AGO1: variants seen among roughly 807,000 people sequenced by gnomAD.
AGO1 encodes protein argonaute-1.
Under a neutral mutation model 109.2 loss-of-function variants are expected in AGO1, and 11 were observed. That is an observed-to-expected ratio of 0.10 (90% CI 0.06 to 0.17). AGO1 has a LOEUF of 0.17. AGO1 is among the 10% of genes least tolerant of loss of function. The pLI, the probability that AGO1 is intolerant of heterozygous loss-of-function variation, is 1.00. For missense variants in AGO1, 574 were observed against 1,140.3 expected, an observed-to-expected ratio of 0.50 and a Z score of 7.15; for synonymous variants, 422 against 418.6, an observed-to-expected ratio of 1.01 and a Z score of -0.10.
intron 6 of AGO1, 53 bp from the exon 7 acceptor site, chr1:35,894,262 C>T: frequency 6.2e-7 from 1 of 1,608,790 alleles, no homozygotes; most frequent in South Asian, 1.1e-5. Flanking sequence ...GAGACCAAGC[C>T]TGGGCACATG....
rs1645988724 is a variant in AGO1 at position 35,929,184 on chromosome 1, G to C, written c.*9577G>C. The C allele has an allele frequency of 6.6e-6, 1 of 152,262 alleles. No individual in the cohort carries two copies. The highest frequency in any genetic ancestry group is 2.4e-5 in the African/African-American group (1 of 41,472). The allele number at this position is 152,262 out of a possible 1,614,324, so 9.4% of individuals were successfully genotyped here. ...ATAGGGTGTACATGTAGTCAGGAGA[G>C]AGCCTCATACAGCTTTGCCTTTGGC... On this transcript the variant is annotated 3_prime_UTR_variant, in exon 19 of 19. Coordinates refer to ENST00000373204, the MANE Select transcript of AGO1 (RefSeq NM_012199.5).
intron 8 of AGO1, among the ~76,000 whole-genome samples, chr1:35,900,328 A>G (rs1351629510): frequency 6.6e-6 from 1 of 152,232 alleles, no homozygotes; most frequent in East Asian, 1.9e-4. Flanking sequence ...GTAAATAATA[A>G]TCTGTGCTAC....
chr1:35,914,116 G>A, intron 13 of AGO1, 68 bp from the exon 14 acceptor site: 1 of 1,592,436 alleles, frequency 6.3e-7, no homozygotes, highest in South Asian at 1.1e-5. Context: ...AGAGCAGAGT[G>A]GGTACTGGAT....
chr1:35,913,018 CT>C (rs879356923), intron 12 of AGO1, among the ~76,000 whole-genome samples: 115 of 145,556 alleles, frequency 7.9e-4, no homozygotes, highest in East Asian at 9.9e-4. Context: ...ACTCACCCAT[CT>C]TTTTTTTTTT....
chr1:35,883,168 C>T (rs1248757955), upstream of AGO1: 17 of 1,144,370 alleles, frequency 1.5e-5, no homozygotes, highest in Non-Finnish European at 1.8e-5. The surrounding 1 kb of genome is among the most constrained non-coding windows in gnomAD (Gnocchi z 5.4). Flanking sequence ...CCGCTTGACT[C>T]GTTCCGGTCC....
At chr1:35,881,261 C>T (rs1361585895), upstream of AGO1, among the ~76,000 whole-genome samples, 1 of 152,132 alleles carries the variant, frequency 6.6e-6, no homozygotes, top group Non-Finnish European at 1.5e-5. Context: ...GGGTCCCACC[C>T]AACACCTACT....
At position 35,925,161 on chromosome 1, in the gene AGO1, G is replaced by A. The variant is rs907765237; in HGVS notation, c.*5554G>A. The A allele has an allele frequency of 6.6e-6, 1 of 151,638 alleles. No homozygotes were observed. Among genetic ancestry groups the A allele is most frequent in the Non-Finnish European group, 1.5e-5 (1 of 67,912 alleles). 9.4% of individuals were successfully genotyped at this position (151,638 alleles called of 1,614,324 possible). A position where few individuals can be genotyped will look rare whatever the true frequency, so the allele number is the denominator to read the frequency against. Reference sequence around the variant, plus strand: ...GTAGAAGAAGGTTCATGAAGGGAGTGATTAACAACATGAACTGCTGCAGAG... The same window carrying A: ...GTAGAAGAAGGTTCATGAAGGGAGTAATTAACAACATGAACTGCTGCAGAG... On this transcript the variant is annotated 3_prime_UTR_variant, in exon 19 of 19. Transcript: ENST00000373204.
At chr1:35,895,796 A>G (rs1038280422) in intron 8 of AGO1, among the ~76,000 whole-genome samples, 12 of 152,238 alleles carry the variant, frequency 7.9e-5, no homozygotes, top group Admixed American at 2.0e-4. Context: ...ACACTAAGTT[A>G]TAGAATACAA....
chr1:35,906,834 T>G, intron 11 of AGO1, 101 bp from the exon 12 acceptor site: 1 of 866,126 alleles, frequency 1.2e-6, no homozygotes, highest in Non-Finnish European at 1.7e-6. Context: ...AACCAATCTC[T>G]CAGTGCCTCT....
At chr1:35,915,130 C>A (rs1477920279) in intron 14 of AGO1, among the ~76,000 whole-genome samples, 2 of 152,054 alleles carry the variant, frequency 1.3e-5, no homozygotes, top group African/African-American at 4.8e-5. Flanking sequence ...GCGCTGCAAG[C>A]AGGTGTTCTT....
chr1:35,913,727 T>C, intron 12 of AGO1, 115 bp from the exon 13 acceptor site: 1 of 1,081,856 alleles, frequency 9.2e-7, no homozygotes. Context: ...AGTAAGGACC[T>C]TATGTGTTTC....
At chr1:35,872,812 A>AT (rs952627974) in intron 1 of AGO1, among the ~76,000 whole-genome samples, 4 of 152,020 alleles carry the variant, frequency 2.6e-5, no homozygotes, top group African/African-American at 9.7e-5. Context: ...GCCTCAAGCG[A>AT]TTCTCCCACT....
At chr1:35,915,977 T>C (rs1165428388) in intron 15 of AGO1, among the ~76,000 whole-genome samples, 3 of 152,122 alleles carry the variant, frequency 2.0e-5, no homozygotes, top group African/African-American at 7.2e-5. Context: ...GGACTAATGC[T>C]GTTGACCCTC....
intron 11 of AGO1, among the ~76,000 whole-genome samples, chr1:35,903,871 G>A (rs1291553609): frequency 6.6e-6 from 1 of 151,810 alleles, no homozygotes; most frequent in Non-Finnish European, 1.5e-5. Context: ...GCTAAGGCAG[G>A]AGAATCGCTT....
rs1296404239 is a variant in AGO1, at chr1:35,893,865, C to A, written c.649+55C>A. ...CACCCCAAGTCCAGTGACCACACTC[C>A]CAGCCTCATCCCTCCCAGCTCTGCA... On this transcript the variant is annotated intron_variant, in intron 5 of 18. Coordinates refer to ENST00000373204, the MANE Select transcript of AGO1 (RefSeq NM_012199.5). This position sits in a 1 kb window ranked among gnomAD's most constrained non-coding sequence, Gnocchi z 5.6. 1 of 1,574,270 alleles carries A rather than the reference C, an allele frequency of 6.4e-7. No homozygotes were observed. Among genetic ancestry groups the A allele is most frequent in the African/African-American group, 1.3e-5 (1 of 74,332 alleles).
At chr1:35,916,281 C>T (rs1645733486) in intron 15 of AGO1, among the ~76,000 whole-genome samples, 1 of 152,116 alleles carries the variant, frequency 6.6e-6, no homozygotes, top group Non-Finnish European at 1.5e-5. Flanking sequence ...TCTTTAATGT[C>T]ATCAAAGATA....
chr1:35,896,093 G>A (rs1434298271), intron 8 of AGO1, among the ~76,000 whole-genome samples: 1 of 151,730 alleles, frequency 6.6e-6, no homozygotes, highest in East Asian at 1.9e-4. Flanking sequence ...TCTGCCTCCC[G>A]GGTTCAAGTG....
rs1020631361 is a variant in AGO1, at chr1:35,917,661, G to A, written c.2097G>A (p.Gly699=). ...CIKLEKDYQP[G]ITYIVVQKRH... is the part of the protein sequence containing the mutation. ...AACTGGAAAAGGACTACCAGCCTGG[G>A]ATCACTTATATTGTGGTGCAGAAAC... is the stretch of plus-strand genomic sequence containing the variant. Residue 699 remains glycine, a synonymous_variant, in exon 16 of 19, where the codon GGG becomes GGA. Transcript: ENST00000373204. The A allele has an allele frequency of 1.4e-5, 23 of 1,613,786 alleles. No homozygotes were observed. Among genetic ancestry groups the A allele is most frequent in the Non-Finnish European group, 1.9e-5 (23 of 1,179,826 alleles).
At chr1:35,879,146 G>A (rs1645014717), upstream of AGO1, among the ~76,000 whole-genome samples, 1 of 152,150 alleles carries the variant, frequency 6.6e-6, no homozygotes, top group Non-Finnish European at 1.5e-5. Flanking sequence ...AAGTTTATCA[G>A]CATAAAAAAG....
Sources: gnomAD v4.1 joint callset for allele counts (sites outside exome capture counted in the v4.1 genomes callset) on GRCh38, gnomAD v4.1.1 for gene constraint, Gnocchi (gnomAD v3.1) non-coding constraint, MANE v1.5 for transcripts, NCBI Gene and HGNC (gene_info 2026-07-23, HGNC 2026-07-21) for gene names.